Variants in TSHR observed in about 807,000 individuals in gnomAD.
TSHR encodes the protein thyrotropin receptor.
A neutral mutation model predicts 64.1 loss-of-function variants in TSHR; 51 were observed. That is an observed-to-expected ratio of 0.80 (90% CI 0.64 to 1.01). The LOEUF is 1.01. Ranked by LOEUF, TSHR falls within the 50% of genes least tolerant of loss-of-function variation. The pLI is 0.00. For synonymous variants in TSHR, 361 were observed against 361.9 expected (o/e 1.00, Z 0.03); for missense variants, 877 against 942.8 (o/e 0.93, Z 0.91).
At chr14:81,045,140 T>A (rs61978744) in intron 1 of TSHR, among the ~76,000 whole-genome samples, 1 of 152,062 alleles carries the variant, frequency 6.6e-6, no homozygotes, top group African/African-American at 2.4e-5. Context: ...ATCAAACTGA[T>A]GCAGGAAGAG....
rs555625878 is a variant in TSHR at position 81,015,849 on chromosome 14, T to C, written c.171-46299T>C. Among the ~76,000 whole-genome samples the C allele has an allele frequency of 9.2e-5, 14 of 152,262 alleles. No homozygotes were observed. In the South Asian group the frequency reaches 1.9e-3, roughly 20 times the overall value. On this transcript the variant is annotated intron_variant, in intron 1 of 9. Transcript: ENST00000298171. The stretch of plus-strand genomic sequence containing the variant: ...CTTCTGTAGTTCAATTTTTTTAGAT[T>C]CTACATATAAGTGAGATCATGCGGT...
chr14:81,060,184 T>G (rs146122437), intron 1 of TSHR, among the ~76,000 whole-genome samples: 1 of 152,186 alleles, frequency 6.6e-6, no homozygotes, highest in Non-Finnish European at 1.5e-5. Context: ...ACCGTAAGTA[T>G]GCCCACAAAA....
chr14:81,135,323 G>A (rs1480093433), intron 8 of TSHR, among the ~76,000 whole-genome samples: 1 of 152,176 alleles, frequency 6.6e-6, no homozygotes, highest in African/African-American at 2.4e-5. Flanking sequence ...ATTAAAGGAG[G>A]CATGGATTTC....
chr14:81,009,886 G>A (rs1889815250), intron 1 of TSHR, among the ~76,000 whole-genome samples: 1 of 152,072 alleles, frequency 6.6e-6, no homozygotes, highest in Non-Finnish European at 1.5e-5. Flanking sequence ...TGTGGGGGGA[G>A]AATATACCTA....
intron 7 of TSHR, among the ~76,000 whole-genome samples, chr14:81,105,446 A>T (rs1037977609): frequency 2.0e-5 from 3 of 152,094 alleles, no homozygotes; most frequent in Non-Finnish European, 2.9e-5. Flanking sequence ...CATCTAATTA[A>T]CTCTAAGAGG....
At chr14:81,074,619 T>G (rs966393238) in intron 3 of TSHR, among the ~76,000 whole-genome samples, 7 of 152,182 alleles carry the variant, frequency 4.6e-5, no homozygotes, top group Admixed American at 1.3e-4. Context: ...GAAAGAGAGC[T>G]CTTTATTGTG....
At chr14:81,097,996 T>G (rs1400201228) in intron 7 of TSHR, among the ~76,000 whole-genome samples, 4 of 152,222 alleles carry the variant, frequency 2.6e-5, no homozygotes, top group Non-Finnish European at 5.9e-5. Flanking sequence ...ATTTACAGAA[T>G]TGGAGAGACC....
At chr14:81,104,748 CT>C in intron 7 of TSHR, 3 of 983,692 alleles carry the variant, frequency 3.0e-6, no homozygotes, top group Non-Finnish European at 3.6e-6. Flanking sequence ...TCTTCCCTAA[CT>C]GTGAACTATT....
intron 8 of TSHR, among the ~76,000 whole-genome samples, chr14:81,137,764 T>C (rs1042424827): frequency 1.3e-5 from 2 of 152,246 alleles, no homozygotes; most frequent in African/African-American, 4.8e-5. Flanking sequence ...TACTAACATG[T>C]TTTCTCAAGA....
chr14:81,016,967 G>C (rs1883445136), intron 1 of TSHR, among the ~76,000 whole-genome samples: 1 of 152,192 alleles, frequency 6.6e-6, no homozygotes, highest in Non-Finnish European at 1.5e-5. Flanking sequence ...ACCAGCATGT[G>C]AATGTCACCT....
intron 3 of TSHR, among the ~76,000 whole-genome samples, chr14:81,072,299 T>C (rs1355893854): frequency 1.3e-5 from 2 of 152,206 alleles, no homozygotes; most frequent in Non-Finnish European, 2.9e-5. Context: ...CTTGTATGCA[T>C]AGAATTAAAA....
chr14:81,050,469 G>A (rs1210232119), intron 1 of TSHR: 2 of 152,042 alleles, frequency 1.3e-5, no homozygotes, highest in African/African-American at 4.8e-5. Flanking sequence ...ATACCATCAC[G>A]AATATTCAGA....
At chr14:81,115,260 G>T (rs973707290) in intron 8 of TSHR, among the ~76,000 whole-genome samples, 2 of 151,698 alleles carry the variant, frequency 1.3e-5, no homozygotes, top group Non-Finnish European at 2.9e-5. Context: ...CAAACCAAAG[G>T]CAAAGAAGTT....
chr14:81,029,454 G>A (rs1167771501), intron 1 of TSHR, among the ~76,000 whole-genome samples: 2 of 152,082 alleles, frequency 1.3e-5, no homozygotes, highest in Non-Finnish European at 2.9e-5. Flanking sequence ...GGAGCGAAAA[G>A]AGAGCTGTCC....
At chr14:80,964,724 G>A (rs1887207074) in intron 1 of TSHR, among the ~76,000 whole-genome samples, 1 of 152,048 alleles carries the variant, frequency 6.6e-6, no homozygotes, top group African/African-American at 2.4e-5. Flanking sequence ...TTCTGCTTTG[G>A]AATAATTTGG....
chr14:80,971,957 T>C (rs1042348771), intron 1 of TSHR, among the ~76,000 whole-genome samples: 1 of 152,214 alleles, frequency 6.6e-6, no homozygotes, highest in African/African-American at 2.4e-5. Flanking sequence ...CCTGAGACAT[T>C]AAAGTTTTAA....
intron 1 of TSHR, among the ~76,000 whole-genome samples, chr14:81,019,877 G>A (rs1323912454): frequency 2.0e-5 from 3 of 152,074 alleles, no homozygotes; most frequent in African/African-American, 7.2e-5. Flanking sequence ...CATTTGGGTT[G>A]GTTCCAAGTC....
intron 1 of TSHR, among the ~76,000 whole-genome samples, chr14:81,041,656 C>A (rs904579414): frequency 3.3e-5 from 5 of 151,992 alleles, no homozygotes; most frequent in Non-Finnish European, 5.9e-5. Flanking sequence ...TGCACTTGTA[C>A]CCCTGAACTT....
intron 1 of TSHR, among the ~76,000 whole-genome samples, chr14:81,059,438 C>T (rs1467862603): frequency 2.6e-5 from 4 of 151,996 alleles, no homozygotes; most frequent in African/African-American, 9.7e-5. Flanking sequence ...TTAGATTATG[C>T]GCACATTACT....
Sources: gnomAD v4.1 joint callset for allele counts (sites outside exome capture counted in the v4.1 genomes callset) on GRCh38, gnomAD v4.1.1 for gene constraint, MANE v1.5 for transcripts, NCBI Gene and HGNC (gene_info 2026-07-23, HGNC 2026-07-21) for gene names.